PLXNB2: variants seen among roughly 807,000 people sequenced by gnomAD.
The protein encoded by PLXNB2 is plexin B2.
A neutral mutation model predicts 202.6 loss-of-function variants in PLXNB2; 85 were observed. That is an observed-to-expected ratio of 0.42 (90% CI 0.35 to 0.50). PLXNB2 has a LOEUF of 0.50. PLXNB2 is among the 20% of genes least tolerant of loss of function. PLXNB2 has a pLI of 0.02. For missense variants in PLXNB2, 2,063 were observed against 2,586.2 expected, an observed-to-expected ratio of 0.80 and a Z score of 4.39; for synonymous variants, 1,239 against 1,137.6, an observed-to-expected ratio of 1.09 and a Z score of -1.79.
At chr22:50,287,541 TGCCCAGA>T in intron 7 of PLXNB2, 119 bp downstream of exon 7, 2 of 1,038,294 alleles carry the variant, frequency 1.9e-6, no homozygotes, top group Non-Finnish European at 2.7e-6. Flanking sequence ...TAAGGCTCGG[TGCCCAGA>T]GCCCAGGCGG....
intron 2 of PLXNB2, among the ~76,000 whole-genome samples, chr22:50,294,382 A>ACC (rs200010335): frequency 6.0e-5 from 9 of 149,342 alleles, no homozygotes; most frequent in African/African-American, 2.2e-4. Flanking sequence ...CTGCACAGGC[A>ACC]CCCCCCCACC....
chr22:50,300,596 G>A (rs1010761794), intron 1 of PLXNB2, among the ~76,000 whole-genome samples: 3 of 152,226 alleles, frequency 2.0e-5, no homozygotes, highest in Non-Finnish European at 2.9e-5. Context: ...GTGGAGGCCT[G>A]AGCCTCGCTT....
In PLXNB2 at chr22:50,287,988, T is replaced by C. The variant is rs775541473; in HGVS notation, c.1430A>G (p.Gln477Arg). 3 of 1,578,986 alleles carry C rather than the reference T, an allele frequency of 1.9e-6. No individual in the cohort carries two copies. The highest frequency in any genetic ancestry group is 2.6e-6 in the Non-Finnish European group (3 of 1,163,144). ...QECLSYPTCTQCRDSQDPYCG... is the reference protein window; with the variant it reads ...QECLSYPTCTRCRDSQDPYCG... ...GTAGGGGTCCTGGGAGTCGCGGCAC[T>C]GGGTGCAGGTCGGGTAGCTCAGGCA... Residue 477 changes from glutamine to arginine, a missense_variant, in exon 6 of 37, where the codon CAG becomes CGG. This residue lies in a region of PLXNB2 where 1,303 missense variants were observed against 1,476.8 expected (regional missense o/e 0.88). Transcript: ENST00000359337.
Position 50,287,657 on chromosome 22 carries a change from C to T in PLXNB2, c.1608+10G>A, listed in dbSNP as rs1390782119. 3.9e-6 allele frequency: 6 copies of T among 1,537,254 alleles called. No individual in the cohort carries two copies. Among genetic ancestry groups the T allele is most frequent in the Non-Finnish European group, 5.2e-6 (6 of 1,146,118 alleles). ...GGGCCCAGGACCCCCACCCCAGACC[C>T]ACCACGCACCTCCCCCTGGGCCCGC... On this transcript the variant is annotated intron_variant, in intron 7 of 36. Transcript: ENST00000359337.
intron 33 of PLXNB2, 38 bp downstream of exon 33, chr22:50,277,553 A>G (rs1448903825): frequency 1.1e-5 from 17 of 1,526,984 alleles, no homozygotes; most frequent in Non-Finnish European, 1.5e-5. Context: ...GGACAGACCC[A>G]GGCCTCCCTG....
chr22:50,297,295 G>A lies in PLXNB2; in HGVS notation c.-73-2517C>T, dbSNP rs2067350908. Among the ~76,000 whole-genome samples the A allele has an allele frequency of 6.6e-6, 1 of 152,080 alleles. No individual in the cohort carries two copies. Among genetic ancestry groups the A allele is most frequent in the Non-Finnish European group, 1.5e-5 (1 of 68,000 alleles). ...GGGCCCAGGCCCCAGGCGTGGGCGG[G>A]GGCAGCCAAGGTCAGGGGAGGCTGG... On this transcript the variant is annotated intron_variant, in intron 1 of 36. Coordinates refer to ENST00000359337, the MANE Select transcript of PLXNB2 (RefSeq NM_012401.4). The surrounding 1 kb of genome is among the most constrained non-coding windows in gnomAD (Gnocchi z 5.3).
rs1372240792 is a variant in PLXNB2 at position 50,283,723 on chromosome 22, C to T, written c.2449G>A (p.Gly817Arg). 6.2e-7 allele frequency: 1 copy of T among 1,613,178 alleles called. No individual in the cohort carries two copies. The highest frequency in any genetic ancestry group is 8.5e-7 in the Non-Finnish European group (1 of 1,179,950). Residue 817 changes from glycine (G) to arginine (R), a missense_variant, in exon 15 of 37, where the codon GGG (glycine) becomes AGG (arginine). Coordinates refer to ENST00000359337, the MANE Select transcript of PLXNB2 (RefSeq NM_012401.4). Reference sequence around the variant, plus strand: ...CCCAGGATGGTGATGCGGATGCCCCCACCCAGGGGGCCCGTCTCAGGCTGG... The same window carrying T: ...CCCAGGATGGTGATGCGGATGCCCCTACCCAGGGGGCCCGTCTCAGGCTGG... ...RIQPETGPLGGGIRITILGSN... is the reference protein window; with the variant it reads ...RIQPETGPLGRGIRITILGSN...
At chr22:50,300,294 G>C (rs2067600957) in intron 1 of PLXNB2, 2 of 985,402 alleles carry the variant, frequency 2.0e-6, no homozygotes, top group Non-Finnish European at 2.4e-6. Flanking sequence ...CGGGCACATC[G>C]GATCGCACAG....
intron 26 of PLXNB2, 41 bp downstream of exon 26, chr22:50,279,964 C>A: frequency 6.6e-7 from 1 of 1,512,052 alleles, no homozygotes; most frequent in Non-Finnish European, 9.1e-7. Context: ...CAGCAGTCTG[C>A]CTCATCCCTC....
rs368368864 is a variant in PLXNB2 at position 50,281,012 on chromosome 22, G to A, written c.3764-39C>T. On this transcript the variant is annotated intron_variant, in intron 23 of 36. Coordinates refer to ENST00000359337, the MANE Select transcript of PLXNB2 (RefSeq NM_012401.4). ...GGCGTGAGACGTCCCTGGCCACGTG[G>A]GGCCCTGACCCCCACGCTACACACA... The A allele has an allele frequency of 5.0e-6, 8 of 1,602,106 alleles. No homozygotes were observed. The African/African-American group carries it at 1.1e-4, about 21-fold the overall frequency.
rs568039624 is a variant in PLXNB2, at chr22:50,287,492, T to C, written c.1608+175A>G. 7.2e-5 allele frequency among the ~76,000 whole-genome samples: 11 copies of C among 152,052 alleles called. No homozygotes were observed. The South Asian group carries it at 1.9e-3, about 26-fold the overall frequency. The stretch of plus-strand genomic sequence containing the variant: ...GCCCCACCCCTGCCCGCCCAGGTCA[T>C]AGGGGTCCAGGGGACCAATGGAGGG... On this transcript the variant is annotated intron_variant, in intron 7 of 36. Coordinates refer to ENST00000359337, the MANE Select transcript of PLXNB2 (RefSeq NM_012401.4).
rs1485689323 is a variant in PLXNB2 at position 50,287,095 on chromosome 22, C to T, written c.1762+16G>A. 1.3e-5 allele frequency: 19 copies of T among 1,487,772 alleles called. No homozygotes were observed. The highest frequency in any genetic ancestry group is 2.8e-5 in the African/African-American group (2 of 70,966). The allele number at this position is 1,487,772 out of a possible 1,614,324, so 92.2% of individuals were successfully genotyped here. On this transcript the variant is annotated intron_variant, in intron 8 of 36. Coordinates refer to ENST00000359337, the MANE Select transcript of PLXNB2 (RefSeq NM_012401.4). Reference sequence around the variant, plus strand: ...GACCGAGAAGGGCCACCCGGGGGCTCGGGAAGGGGCCTCACCCTGGCCTGG... The same window carrying T: ...GACCGAGAAGGGCCACCCGGGGGCTTGGGAAGGGGCCTCACCCTGGCCTGG...
At position 50,281,622 on chromosome 22, in the gene PLXNB2, G is replaced by A; in HGVS notation, c.3466C>T (p.Pro1156Ser). ...CGTTTCTGCCGCCGCTTGGGCGGGG[G>A]CTGCACCTCCGGGGGCTCACAGTAC... ...DLYCEPPEVQ[P>S]PPKRRQKRDT... Residue 1156 changes from proline to serine, a missense_variant, in exon 21 of 37, where the codon CCC (proline) becomes TCC (serine). Pro to Ser is a moderately conservative substitution (Grantham distance 74). Transcript: ENST00000359337. The A allele has an allele frequency of 6.2e-7, 1 of 1,608,786 alleles. No individual in the cohort carries two copies. The highest frequency in any genetic ancestry group is 1.1e-5 in the South Asian group (1 of 90,620).
intron 33 of PLXNB2, 126 bp downstream of exon 33, chr22:50,277,465 T>A (rs1269003813): frequency 6.1e-6 from 6 of 986,362 alleles, no homozygotes; most frequent in Non-Finnish European, 8.6e-6. Flanking sequence ...ACCCGTCACC[T>A]CCTACATCAA....
chr22:50,290,530 T>C lies in PLXNB2; in HGVS notation c.55A>G (p.Ser19Gly). 1 of 1,612,274 alleles carries C rather than the reference T, an allele frequency of 6.2e-7. No individual in the cohort carries two copies. The highest frequency in any genetic ancestry group is 1.3e-5 in the African/African-American group (1 of 75,034). ...AAGTCCAGCTTGCGGGGCCTCAGGC[T>C]GGCACCTGCGCCCAGCAGGCCCAGC... Reference protein sequence around the residue: ...TLLGLLGAGASLRPRKLDFFR... With the variant: ...TLLGLLGAGAGLRPRKLDFFR... The change falls in exon 3 of 37, where the codon AGC becomes GGC. Residue 19 changes from serine to glycine, a missense_variant. This residue lies in a region of PLXNB2 where 1,303 missense variants were observed against 1,476.8 expected (regional missense o/e 0.88). Transcript: ENST00000359337.
intron 22 of PLXNB2, 29 bp downstream of exon 22, chr22:50,281,331 G>A: frequency 6.2e-7 from 1 of 1,609,720 alleles, no homozygotes; most frequent in Non-Finnish European, 8.5e-7. Flanking sequence ...AGGGCTCAGG[G>A]TGTTGGCACA....
Position 50,287,136 on chromosome 22 carries a change from G to A in PLXNB2, c.1737C>T (p.Ser579=), listed in dbSNP as rs1344151061. Residue 579 remains serine, a synonymous_variant, in exon 8 of 37, where the codon AGC becomes AGT. Coordinates refer to ENST00000359337, the MANE Select transcript of PLXNB2 (RefSeq NM_012401.4). ...GEAVICNSPS[S]IPVTPPGQDH... ...CCTGGCCTGGCGGTGTGACGGGGAT[G>A]CTGCTTGGGGAGTTGCAGATGACGG... 5 of 1,534,362 alleles carry A rather than the reference G, an allele frequency of 3.3e-6. No homozygotes were observed. In the African/African-American group the frequency reaches 6.9e-5, roughly 21 times the overall value.
intron 11 of PLXNB2, chr22:50,285,029 C>T: frequency 7.2e-6 from 3 of 419,542 alleles, no homozygotes; most frequent in Non-Finnish European, 1.4e-5. Context: ...CTCTTCAGGC[C>T]CATCCAAAGG....
In PLXNB2 at chr22:50,289,131, C is replaced by G. The variant is rs1601725717; in HGVS notation, c.1080G>C (p.Lys360Asn). 6.3e-7 allele frequency: 1 copy of G among 1,576,974 alleles called. No homozygotes were observed. Among genetic ancestry groups the G allele is most frequent in the Non-Finnish European group, 8.6e-7 (1 of 1,162,356 alleles). ...QCGGHAPGSS[K>N]SFPCGSEHLP... ...GGTGCTCCGAGCCACATGGGAAGCT[C>G]TTGCTGGAGCCCTGCGGACCACAGC... Residue 360 changes from lysine to asparagine, a missense_variant, in exon 4 of 37, where the codon AAG (lysine) becomes AAC (asparagine). This residue lies in a region of PLXNB2 where 1,303 missense variants were observed against 1,476.8 expected (regional missense o/e 0.88). Coordinates refer to ENST00000359337, the MANE Select transcript of PLXNB2 (RefSeq NM_012401.4). The surrounding 1 kb of genome is among the most constrained non-coding windows in gnomAD (Gnocchi z 8.0).
Sources: gnomAD v4.1 joint callset for allele counts (sites outside exome capture counted in the v4.1 genomes callset) on GRCh38, gnomAD v4.1.1 for gene constraint, gnomAD v4.1.1 regional missense constraint, Gnocchi (gnomAD v3.1) non-coding constraint, MANE v1.5 for transcripts, NCBI Gene and HGNC (gene_info 2026-07-23, HGNC 2026-07-21) for gene names.